TBL1XR1: variants seen among roughly 807,000 people sequenced by gnomAD.
The protein encoded by TBL1XR1 is F-box-like/WD repeat-containing protein TBL1XR1.
In TBL1XR1, 5 loss-of-function variants were observed where a neutral mutation model predicts 66.9. The ratio of observed to expected loss-of-function variants is 0.07; its 90% CI spans 0.04 to 0.16. The LOEUF is 0.16. Ranked by LOEUF, TBL1XR1 falls within the 10% of genes least tolerant of loss-of-function variation. The pLI is 1.00. For synonymous variants in TBL1XR1, 210 were observed against 206.0 expected, an observed-to-expected ratio of 1.02 and a Z score of -0.17; for missense variants, 238 against 623.2, an observed-to-expected ratio of 0.38 and a Z score of 6.58.
At chr3:177,085,608 A>G (rs1170939098) in intron 2 of TBL1XR1, among the ~76,000 whole-genome samples, 2 of 152,212 alleles carry the variant, frequency 1.3e-5, no homozygotes, top group Non-Finnish European at 2.9e-5. Context: ...TGAAAACTTT[A>G]TGACTGAAAA....
chr3:177,107,762 ACTC>A (rs1414671231), intron 1 of TBL1XR1, among the ~76,000 whole-genome samples: 1 of 151,940 alleles, frequency 6.6e-6, no homozygotes, highest in African/African-American at 2.4e-5. Context: ...AATACAGAAA[ACTC>A]CTCTCTGTGC....
Position 177,129,281 on chromosome 3 carries a change from T to A in TBL1XR1, c.-121-30740A>T, listed in dbSNP as rs549961554. 3.9e-5 allele frequency among the ~76,000 whole-genome samples: 6 copies of A among 152,268 alleles called. No individual in the cohort carries two copies. In the East Asian group the frequency reaches 1.2e-3, roughly 29 times the overall value. On this transcript the variant is annotated intron_variant, in intron 1 of 15. Transcript: ENST00000457928. ...TCTGAGACAATCAGCTTCCTTTACATGTAACGAGATCCAGAAGAAAATGAT... is the reference window on the plus strand; with the variant it reads ...TCTGAGACAATCAGCTTCCTTTACAAGTAACGAGATCCAGAAGAAAATGAT...
rs11443749 is a variant in TBL1XR1, at chr3:177,019,985, TAAAAAAA to T, written c.*5506_*5512del. 1 of 141,322 alleles carries T rather than the reference TAAAAAAA, an allele frequency of 7.1e-6. No homozygotes were observed. Among genetic ancestry groups the T allele is most frequent in the East Asian group, 2.0e-4 (1 of 4,934 alleles). 8.8% of individuals were successfully genotyped at this position (141,322 alleles called of 1,614,324 possible). A position where few individuals can be genotyped will look rare whatever the true frequency, so the allele number is the denominator to read the frequency against. ...AGAAGACCTAGAGAGTGTAAATTCT[TAAAAAAA>T]AAAAAAAGAAAATATGCTCAATGAT... On this transcript the variant is annotated 3_prime_UTR_variant, in exon 16 of 16. Coordinates refer to ENST00000457928, the MANE Select transcript of TBL1XR1 (RefSeq NM_024665.7).
intron 4 of TBL1XR1, among the ~76,000 whole-genome samples, chr3:177,052,157 T>C (rs1399463607): frequency 6.6e-6 from 1 of 152,120 alleles, no homozygotes; most frequent in Non-Finnish European, 1.5e-5. Context: ...AGCTGAAGAG[T>C]TTCTTGTGAT....
intron 1 of TBL1XR1, among the ~76,000 whole-genome samples, chr3:177,181,172 G>C (rs116371720): frequency 0.022 from 3,409 of 152,162 alleles, 139 homozygotes; most frequent in African/African-American, 0.078. Flanking sequence ...CTCCAACTCT[G>C]TCTTGTCGCA....
At chr3:177,147,268 CA>C (rs1386196851) in intron 1 of TBL1XR1, among the ~76,000 whole-genome samples, 29 of 152,058 alleles carry the variant, frequency 1.9e-4, no homozygotes, top group Non-Finnish European at 1.0e-4. Context: ...AGGCTGGTCT[CA>C]AACTCCTGTG....
chr3:177,136,060 G>GC (rs1728958501), intron 1 of TBL1XR1, among the ~76,000 whole-genome samples: 2 of 152,150 alleles, frequency 1.3e-5, no homozygotes, highest in South Asian at 4.2e-4. Flanking sequence ...TTTTCAAACT[G>GC]CAGGTCACAA....
chr3:177,126,978 A>G (rs1727714829), intron 1 of TBL1XR1, among the ~76,000 whole-genome samples: 1 of 152,212 alleles, frequency 6.6e-6, no homozygotes, highest in Non-Finnish European at 1.5e-5. Context: ...ACCCAGTTTC[A>G]GCAAAAACAA....
chr3:177,035,774 C>A (rs1425276456), intron 12 of TBL1XR1, among the ~76,000 whole-genome samples: 3 of 152,188 alleles, frequency 2.0e-5, no homozygotes, highest in African/African-American at 7.2e-5. Flanking sequence ...ATAAAGTACA[C>A]TAACACACAG....
intron 1 of TBL1XR1, among the ~76,000 whole-genome samples, chr3:177,159,316 G>A (rs1731890711): frequency 6.6e-6 from 1 of 151,962 alleles, no homozygotes. Flanking sequence ...CCTTAAAAAT[G>A]GTAAGGAAAT....
intron 1 of TBL1XR1, among the ~76,000 whole-genome samples, chr3:177,149,601 C>T (rs927220050): frequency 1.3e-5 from 2 of 152,110 alleles, no homozygotes; most frequent in Non-Finnish European, 2.9e-5. Flanking sequence ...TGAAACAAAA[C>T]TCATCACCAT....
chr3:177,050,412 CAT>C (rs1560116818), intron 6 of TBL1XR1, 64 bp downstream of exon 6: 6 of 1,564,602 alleles, frequency 3.8e-6, no homozygotes, highest in Admixed American at 1.8e-5. Context: ...CTGAATAATG[CAT>C]ATGTTTATAA....
chr3:177,059,395 T>C (rs1028766393), intron 3 of TBL1XR1, among the ~76,000 whole-genome samples: 1 of 152,252 alleles, frequency 6.6e-6, no homozygotes, highest in South Asian at 2.1e-4. Flanking sequence ...TACATGGTAG[T>C]ACAGGTCAGA....
intron 2 of TBL1XR1, among the ~76,000 whole-genome samples, chr3:177,077,504 C>T (rs937971384): frequency 6.6e-6 from 1 of 152,174 alleles, no homozygotes; most frequent in Non-Finnish European, 1.5e-5. Context: ...ATGTATCCAA[C>T]ACCTCTTACA....
At chr3:177,183,136 C>T (rs564295619) in intron 1 of TBL1XR1, among the ~76,000 whole-genome samples, 103 of 152,256 alleles carry the variant, frequency 6.8e-4, no homozygotes, top group African/African-American at 2.2e-3. Context: ...CTCATCCATG[C>T]TCTGTCATTC....
At chr3:177,160,384 G>A (rs1406460188) in intron 1 of TBL1XR1, among the ~76,000 whole-genome samples, 2 of 151,560 alleles carry the variant, frequency 1.3e-5, no homozygotes, top group Non-Finnish European at 2.9e-5. Flanking sequence ...CAAGGCAGGA[G>A]AATGGCGCGA....
chr3:177,122,210 T>C (rs917021563), intron 1 of TBL1XR1, among the ~76,000 whole-genome samples: 10 of 151,772 alleles, frequency 6.6e-5, no homozygotes, highest in African/African-American at 2.4e-4. Context: ...CTAAATGGAA[T>C]ACATTGTTAG....
At chr3:177,052,083 A>G (rs1190954102) in intron 4 of TBL1XR1, among the ~76,000 whole-genome samples, 2 of 152,244 alleles carry the variant, frequency 1.3e-5, no homozygotes, top group East Asian at 3.8e-4. Flanking sequence ...TATAGTTCAT[A>G]TAATGATCAG....
intron 1 of TBL1XR1, among the ~76,000 whole-genome samples, chr3:177,195,114 C>A (rs910186184): frequency 1.3e-5 from 2 of 151,772 alleles, no homozygotes; most frequent in Non-Finnish European, 2.9e-5. Flanking sequence ...CGGATTCCAA[C>A]AACTCAAACG....
Sources: allele counts gnomAD v4.1 joint callset (sites outside exome capture counted in the v4.1 genomes callset), GRCh38; gene constraint gnomAD v4.1.1; transcripts MANE v1.5; gene names NCBI Gene and HGNC (gene_info 2026-07-23, HGNC 2026-07-21).